The following LRRC56 variants were observed in gnomAD, a reference collection of about 807,000 sequenced individuals.
LRRC56 encodes leucine-rich repeat-containing protein 56.
In LRRC56, 41 loss-of-function variants were observed where a neutral mutation model predicts 47.8. The observed-to-expected ratio is 0.86, with a 90% CI of 0.67 to 1.11. The LOEUF (loss-of-function observed/expected upper bound fraction) is 1.11. Among genes scored for constraint, LRRC56 ranks in the 50% most tolerant of loss-of-function variants. The pLI, the probability that LRRC56 is intolerant of heterozygous loss-of-function variation, is 0.00. For missense variants in LRRC56, 759 were observed against 704.2 expected (o/e 1.08, Z -0.88); for synonymous variants, 387 against 311.2 (o/e 1.24, Z -2.56).
chr11:510,767 G>A, the LRRC56 span, among the ~76,000 whole-genome samples: 1 of 152,014 alleles, frequency 6.6e-6, no homozygotes, highest in African/African-American at 2.4e-5. Flanking sequence ...AAATGAGCTG[G>A]GCGTGGTGGC....
At chr11:527,170 G>A in the LRRC56 span, among the ~76,000 whole-genome samples, 58 of 151,790 alleles carry the variant, frequency 3.8e-4, no homozygotes, top group Non-Finnish European at 7.4e-4. Context: ...GTGTGGTGGC[G>A]GGCACCTGTA....
chr11:517,458 C>G, the LRRC56 span, among the ~76,000 whole-genome samples: 1 of 148,406 alleles, frequency 6.7e-6, no homozygotes, highest in African/African-American at 2.5e-5. Context: ...GACCGCCCCA[C>G]CTGGGAAGTG....
upstream of LRRC56, among the ~76,000 whole-genome samples, chr11:536,084 C>T (rs1363005509): frequency 6.6e-5 from 10 of 152,322 alleles, no homozygotes; most frequent in East Asian, 1.5e-3. Context: ...GTGGAGCGGC[C>T]GCGCACCCCA....
chr11:522,832 G>A, the LRRC56 span, among the ~76,000 whole-genome samples: 10 of 151,410 alleles, frequency 6.6e-5, no homozygotes, highest in African/African-American at 1.9e-4. Flanking sequence ...CACTGCAACC[G>A]TCACTTCTTG....
chr11:512,071 G>C, the LRRC56 span, among the ~76,000 whole-genome samples: 2 of 151,578 alleles, frequency 1.3e-5, no homozygotes, highest in Non-Finnish European at 2.9e-5. Flanking sequence ...AGCCTCCCGA[G>C]TAGCTGGGAC....
chr11:553,614 G>A (rs921868100), intron 13 of LRRC56, among the ~76,000 whole-genome samples: 1 of 152,124 alleles, frequency 6.6e-6, no homozygotes, highest in African/African-American at 2.4e-5. Context: ...CTTGGGAACC[G>A]GCCCGGGGCG....
chr11:511,707 T>G, the LRRC56 span, among the ~76,000 whole-genome samples: 14,877 of 152,238 alleles, frequency 0.098, 1,010 homozygotes, highest in Admixed American at 0.19. Flanking sequence ...TGTGGGGGCC[T>G]CAGATACAAG....
Position 550,291 on chromosome 11 carries a change from C to T in LRRC56, c.624+19C>T, listed in dbSNP as rs774693945. 26 of 1,518,448 alleles carry T rather than the reference C, an allele frequency of 1.7e-5. No individual in the cohort carries two copies. The highest frequency in any genetic ancestry group is 1.9e-4 in the Middle Eastern group (1 of 5,192). 94.1% of individuals were successfully genotyped at this position (1,518,448 alleles called of 1,614,324 possible). A position where few individuals can be genotyped will look rare whatever the true frequency, so the allele number is the denominator to read the frequency against. On this transcript the variant is annotated intron_variant, in intron 8 of 13. Coordinates refer to ENST00000270115, the MANE Select transcript of LRRC56 (RefSeq NM_198075.4). ...CAACAAGGTGCGTGTCCCGGGCACC[C>T]GGCCAGCATGTGCATGGCCAGGAGA...
At chr11:511,481 C>T in the LRRC56 span, among the ~76,000 whole-genome samples, 14 of 152,254 alleles carry the variant, frequency 9.2e-5, no homozygotes, top group South Asian at 2.1e-4. Context: ...CAGGACTGCT[C>T]CTAAGGTTTG....
upstream of LRRC56, chr11:533,458 G>T (rs1554884750): frequency 1.9e-6 from 3 of 1,613,270 alleles, no homozygotes; most frequent in Non-Finnish European, 2.5e-6. Context: ...CTCACCTGCC[G>T]GGTCTTGGCC....
chr11:518,779 G>T, the LRRC56 span, among the ~76,000 whole-genome samples: 6 of 152,216 alleles, frequency 3.9e-5, no homozygotes, highest in Admixed American at 3.3e-4. Flanking sequence ...CGGGGCCGCC[G>T]GAGAGGACTC....
At chr11:531,127 C>A in the LRRC56 span, among the ~76,000 whole-genome samples, 1 of 146,566 alleles carries the variant, frequency 6.8e-6, no homozygotes, top group East Asian at 2.0e-4. Context: ...GGGAGTGTGG[C>A]GTCCCCTGGA....
intron 6 of LRRC56, among the ~76,000 whole-genome samples, chr11:545,489 G>A (rs949392426): frequency 6.6e-6 from 1 of 152,130 alleles, no homozygotes; most frequent in South Asian, 2.1e-4. Context: ...GCCAGAGCCT[G>A]TGTAAAGAAC....
chr11:519,235 G>C, the LRRC56 span, among the ~76,000 whole-genome samples: 2 of 151,536 alleles, frequency 1.3e-5, no homozygotes, highest in Non-Finnish European at 3.0e-5. Context: ...CTTCCTAAAG[G>C]AACGTGGCCT....
chr11:538,133 G>A lies in LRRC56; in HGVS notation c.-421-465G>A, dbSNP rs762135587. 4.5e-4 allele frequency among the ~76,000 whole-genome samples: 69 copies of A among 152,180 alleles called. 1 individual carries two copies. Among genetic ancestry groups the A allele is most frequent in the Non-Finnish European group, 7.5e-4 (51 of 68,004 alleles). On this transcript the variant is annotated intron_variant, in intron 1 of 13. Coordinates refer to ENST00000270115, the MANE Select transcript of LRRC56 (RefSeq NM_198075.4). The stretch of plus-strand genomic sequence containing the variant: ...GGTGAGAACACTAGGTGCAGTGTCT[G>A]AGGTGGGAGTTCAATGGGGTCTTTG...
upstream of LRRC56, chr11:533,537 T>G: frequency 6.2e-7 from 1 of 1,613,858 alleles, no homozygotes; most frequent in Non-Finnish European, 8.5e-7. Context: ...CCACAGTGCG[T>G]GCAGCCAGGT....
the LRRC56 span, among the ~76,000 whole-genome samples, chr11:509,470 C>T: frequency 1.2e-4 from 19 of 152,270 alleles, no homozygotes; most frequent in East Asian, 2.3e-3. Context: ...AGGTGCTGAG[C>T]GCACGGCCAG....
In LRRC56 at chr11:554,473, C is replaced by A; in HGVS notation, c.*197C>A. 2.1e-6 allele frequency: 1 copy of A among 471,974 alleles called. No homozygotes were observed. The highest frequency in any genetic ancestry group is 3.6e-6 in the Non-Finnish European group (1 of 279,292). 29.2% of individuals were successfully genotyped at this position (471,974 alleles called of 1,614,324 possible). On this transcript the variant is annotated 3_prime_UTR_variant, in exon 14 of 14. Transcript: ENST00000270115. ...AGCAGAGGCTGGAACCCAGTTTAGG[C>A]CCCCAACTGGGTTTGGCCTGGGGAG... is the stretch of plus-strand genomic sequence containing the variant.
At chr11:525,706 G>C in the LRRC56 span, among the ~76,000 whole-genome samples, 1 of 151,646 alleles carries the variant, frequency 6.6e-6, no homozygotes, top group Non-Finnish European at 1.5e-5. Context: ...GACCAGCCTG[G>C]CCAACATAGT....
Sources: allele counts gnomAD v4.1 joint callset (sites outside exome capture counted in the v4.1 genomes callset), GRCh38; gene constraint gnomAD v4.1.1; transcripts MANE v1.5; gene names NCBI Gene and HGNC (gene_info 2026-07-23, HGNC 2026-07-21).